ZNF385B: variants seen among roughly 807,000 people sequenced by gnomAD.
The protein encoded by ZNF385B is zinc finger protein 533.
Under a neutral mutation model 39.2 loss-of-function variants are expected in ZNF385B, and 23 were observed. The ratio of observed to expected loss-of-function variants is 0.59; its 90% CI spans 0.42 to 0.83. ZNF385B has a LOEUF of 0.83. Ranked by LOEUF, ZNF385B falls within the 40% of genes least tolerant of loss-of-function variation. The probability of loss-of-function intolerance (pLI) is 0.00; values close to 1 mark genes in which losing one functional copy is unlikely to be tolerated. For synonymous variants in ZNF385B, 205 were observed against 222.6 expected (o/e 0.92, Z 0.70); for missense variants, 552 against 598.9 (o/e 0.92, Z 0.82).
intron 3 of ZNF385B, among the ~76,000 whole-genome samples, chr2:179,582,829 C>T (rs1686682351): frequency 1.3e-5 from 2 of 152,108 alleles, no homozygotes; most frequent in African/African-American, 4.8e-5. Flanking sequence ...GTAGTTTTGT[C>T]ATTAAGAAAC....
At chr2:179,723,783 T>C (rs1174531295) in intron 3 of ZNF385B, among the ~76,000 whole-genome samples, 1 of 152,132 alleles carries the variant, frequency 6.6e-6, no homozygotes, top group African/African-American at 2.4e-5. Context: ...GCTACGTAAG[T>C]TTTTATATAC....
At chr2:179,522,532 T>TC (rs1319439422) in intron 4 of ZNF385B, among the ~76,000 whole-genome samples, 1 of 151,614 alleles carries the variant, frequency 6.6e-6, no homozygotes, top group East Asian at 1.9e-4. Flanking sequence ...AAAACTATGT[T>TC]CTATATCATA....
chr2:179,510,493 T>C (rs749418517), intron 5 of ZNF385B, among the ~76,000 whole-genome samples: 2 of 152,204 alleles, frequency 1.3e-5, no homozygotes, highest in African/African-American at 4.8e-5. Flanking sequence ...CCCATTAGGG[T>C]AAACTACCAT....
At chr2:179,661,270 T>C (rs1261504078) in intron 3 of ZNF385B, among the ~76,000 whole-genome samples, 3 of 152,130 alleles carry the variant, frequency 2.0e-5, no homozygotes, top group Non-Finnish European at 4.4e-5. Flanking sequence ...AGGATGACAA[T>C]TACAAAAGAG....
intron 3 of ZNF385B, among the ~76,000 whole-genome samples, chr2:179,658,012 G>A (rs1693993041): frequency 6.6e-6 from 1 of 152,154 alleles, no homozygotes; most frequent in African/African-American, 2.4e-5. Flanking sequence ...TCAAAGGGAG[G>A]AAACCTTGGG....
chr2:179,751,244 C>G (rs1015996487), intron 3 of ZNF385B, among the ~76,000 whole-genome samples: 2 of 151,370 alleles, frequency 1.3e-5, no homozygotes, highest in Non-Finnish European at 2.9e-5. Context: ...TGATCCTGCC[C>G]ACACATGCAT....
intron 3 of ZNF385B, among the ~76,000 whole-genome samples, chr2:179,579,789 G>A (rs1365285455): frequency 1.3e-5 from 2 of 152,096 alleles, no homozygotes; most frequent in Non-Finnish European, 2.9e-5. Context: ...AATTTTCTAT[G>A]TAGCAGATGT....
chr2:179,591,987 GTGT>G (rs200466988), intron 3 of ZNF385B, among the ~76,000 whole-genome samples: 4,593 of 152,208 alleles, frequency 0.03, 94 homozygotes, highest in Middle Eastern at 0.041. Flanking sequence ...TGAAAATGAG[GTGT>G]TGTTAACAGC....
At chr2:179,675,874 G>A (rs891902461) in intron 3 of ZNF385B, among the ~76,000 whole-genome samples, 3 of 150,110 alleles carry the variant, frequency 2.0e-5, no homozygotes. Flanking sequence ...TGCAACCTCC[G>A]CCTCCTGGGT....
chr2:179,446,845 T>TA (rs774866280), intron 6 of ZNF385B, 75 bp from the exon 7 acceptor site: 8 of 1,490,588 alleles, frequency 5.4e-6, no homozygotes, highest in Admixed American at 2.3e-5. Flanking sequence ...ATAGATGAAT[T>TA]AAAAATAGAA....
chr2:179,828,130 T>A (rs1707782080), intron 1 of ZNF385B, among the ~76,000 whole-genome samples: 1 of 152,154 alleles, frequency 6.6e-6, no homozygotes, highest in Non-Finnish European at 1.5e-5. Flanking sequence ...TTTGAGTATT[T>A]TTCAGTTGAG....
chr2:179,443,393 C>A lies in ZNF385B; in HGVS notation c.1318G>T (p.Ala440Ser). The change falls in exon 10 of 10, where the codon GCA becomes TCA. Residue 440 changes from alanine (A) to serine (S), a missense_variant. Physicochemically the swap from Ala to Ser is moderately conservative, Grantham distance 99. Transcript: ENST00000410066. ...AGTGACAGCGCTGAGGACACGGCTG[C>A]CGCCGCTGCGAGAGGTGAGGACAGG... ...AFLSSPLAAA[A>S]AVSSALSLPP... 6.2e-7 allele frequency: 1 copy of A among 1,611,096 alleles called. No homozygotes were observed. The highest frequency in any genetic ancestry group is 8.5e-7 in the Non-Finnish European group (1 of 1,179,032).
At chr2:179,515,274 G>A (rs979491745) in intron 5 of ZNF385B, among the ~76,000 whole-genome samples, 9 of 152,102 alleles carry the variant, frequency 5.9e-5, no homozygotes, top group Non-Finnish European at 1.2e-4. Context: ...ATCCTTATTT[G>A]TGAGTGGCTT....
rs199916839 is a variant in ZNF385B, at chr2:179,444,406, C to T, written c.1242+470G>A. On this transcript the variant is annotated intron_variant, in intron 9 of 9. Coordinates refer to ENST00000410066, the MANE Select transcript of ZNF385B (RefSeq NM_152520.6). ...GAGAGCAGATAAAACAGGCTAATTACCAACATGCCTGCTAGAATGGAGAGA... is the reference window on the plus strand; with the variant it reads ...GAGAGCAGATAAAACAGGCTAATTATCAACATGCCTGCTAGAATGGAGAGA... Among the ~76,000 whole-genome samples the T allele has an allele frequency of 7.9e-5, 12 of 152,300 alleles. No homozygotes were observed. The East Asian group carries it at 2.3e-3, about 29-fold the overall frequency.
chr2:179,742,063 T>C (rs1484480525), intron 3 of ZNF385B, among the ~76,000 whole-genome samples: 1 of 152,138 alleles, frequency 6.6e-6, no homozygotes, highest in Admixed American at 6.6e-5. Context: ...GGATGACAAT[T>C]AGAAATTAAT....
At chr2:179,524,577 A>C (rs1332519606) in intron 4 of ZNF385B, among the ~76,000 whole-genome samples, 2 of 147,020 alleles carry the variant, frequency 1.4e-5, no homozygotes, top group African/African-American at 2.5e-5. Flanking sequence ...AAAAAAAAAA[A>C]AAAAAAAAAA....
intron 3 of ZNF385B, among the ~76,000 whole-genome samples, chr2:179,555,964 T>A (rs1226794203): frequency 6.7e-6 from 1 of 149,188 alleles, no homozygotes; most frequent in Non-Finnish European, 1.5e-5. Context: ...TGATAAGCAA[T>A]AATGAAGTGC....
intron 6 of ZNF385B, among the ~76,000 whole-genome samples, chr2:179,461,643 G>A (rs2051355915): frequency 6.6e-6 from 1 of 152,154 alleles, no homozygotes; most frequent in South Asian, 2.1e-4. Flanking sequence ...GACTGATTGA[G>A]TCATCTTAAG....
intron 5 of ZNF385B, among the ~76,000 whole-genome samples, chr2:179,489,601 A>C (rs943245900): frequency 3.3e-5 from 5 of 152,242 alleles, no homozygotes; most frequent in African/African-American, 1.2e-4. Context: ...TACTTGAGTC[A>C]CTGTTTCAAG....
Sources: gnomAD v4.1 joint callset for allele counts (sites outside exome capture counted in the v4.1 genomes callset) on GRCh38, gnomAD v4.1.1 for gene constraint, MANE v1.5 for transcripts, NCBI Gene and HGNC (gene_info 2026-07-23, HGNC 2026-07-21) for gene names.